PDSS2: variants seen among roughly 807,000 people sequenced by gnomAD.
PDSS2 encodes the protein all trans-polyprenyl-diphosphate synthase PDSS2.
In PDSS2, 31 loss-of-function variants were observed where a neutral mutation model predicts 44.5. The observed-to-expected ratio is 0.70, with a 90% confidence interval of 0.52 to 0.94. The LOEUF is 0.94. Among genes scored for constraint, PDSS2 ranks in the 40% least tolerant of loss-of-function variants. PDSS2 has a pLI of 0.00. For missense variants in PDSS2, 452 were observed against 482.2 expected, an observed-to-expected ratio of 0.94 and a Z score of 0.59; for synonymous variants, 157 against 180.3, an observed-to-expected ratio of 0.87 and a Z score of 1.03.
intron 3 of PDSS2, among the ~76,000 whole-genome samples, chr6:107,259,240 AATG>A (rs1409123703): frequency 6.6e-6 from 1 of 152,240 alleles, no homozygotes; most frequent in Non-Finnish European, 1.5e-5. Context: ...CAGTGATAAA[AATG>A]GGGAATTAAG....
In PDSS2 at chr6:107,234,893, AT is replaced by A. The variant is rs35770766; in HGVS notation, c.702+10654del. Among the ~76,000 whole-genome samples the A allele has an allele frequency of 2.6e-5, 4 of 152,290 alleles. No individual in the cohort carries two copies. In the East Asian group the frequency reaches 7.7e-4, roughly 29 times the overall value. ...TTTTATAAAAGTCATTATAACATAA[AT>A]TTTTAAAAGTCCTGAAAATCAGCAC... On this transcript the variant is annotated intron_variant, in intron 4 of 7. Transcript: ENST00000369037.
rs115078301 is a variant in PDSS2 at position 107,399,795 on chromosome 6, G to A, written c.296+59195C>T. Among the ~76,000 whole-genome samples the A allele has an allele frequency of 1.4e-3, 211 of 151,962 alleles. 3 individuals are homozygous for A. Among genetic ancestry groups the A allele is most frequent in the African/African-American group, 4.8e-3 (199 of 41,468 alleles). The stretch of plus-strand genomic sequence containing the variant: ...AATGATTCCCAAAGTTAGCTGCTCT[G>A]AAAATTTACTAACCTAGGAAATTTT... On this transcript the variant is annotated intron_variant, in intron 1 of 7. Transcript: ENST00000369037.
At chr6:107,158,351 A>AT (rs1233488236) in intron 7 of PDSS2, among the ~76,000 whole-genome samples, 2 of 151,622 alleles carry the variant, frequency 1.3e-5, no homozygotes, top group Admixed American at 6.6e-5. Context: ...CACCTGGCTA[A>AT]TTTTTTTATT....
intron 1 of PDSS2, among the ~76,000 whole-genome samples, chr6:107,447,307 G>C (rs1010177672): frequency 2.0e-5 from 3 of 152,130 alleles, no homozygotes; most frequent in African/African-American, 7.2e-5. Context: ...CTGCACTCCA[G>C]CCTGGGCGAC....
intron 1 of PDSS2, among the ~76,000 whole-genome samples, chr6:107,349,220 C>G (rs1379831907): frequency 6.6e-6 from 1 of 152,010 alleles, no homozygotes; most frequent in Non-Finnish European, 1.5e-5. Context: ...ATCACGAGGT[C>G]AGGAGATCGA....
At chr6:107,405,951 T>A (rs1422108748) in intron 1 of PDSS2, among the ~76,000 whole-genome samples, 1 of 151,978 alleles carries the variant, frequency 6.6e-6, no homozygotes, top group Non-Finnish European at 1.5e-5. Context: ...ATGGGTACAA[T>A]GTAAACTTTA....
intron 1 of PDSS2, among the ~76,000 whole-genome samples, chr6:107,340,971 C>T (rs1401303330): frequency 6.6e-6 from 1 of 152,088 alleles, no homozygotes; most frequent in Non-Finnish European, 1.5e-5. Context: ...CTTAATTCTG[C>T]AGGAAATCTG....
intron 4 of PDSS2, among the ~76,000 whole-genome samples, chr6:107,212,861 A>G (rs1773273160): frequency 6.6e-6 from 1 of 150,542 alleles, no homozygotes; most frequent in South Asian, 2.1e-4. Flanking sequence ...AAAAATAGCT[A>G]GGCAAGGGGG....
intron 1 of PDSS2, among the ~76,000 whole-genome samples, chr6:107,422,966 G>C (rs546512399): frequency 6.6e-6 from 1 of 151,886 alleles, no homozygotes; most frequent in South Asian, 2.1e-4. Context: ...TACTTCCATA[G>C]AAAAAATAAA....
At chr6:107,340,554 G>A (rs933695874) in intron 1 of PDSS2, among the ~76,000 whole-genome samples, 1 of 152,106 alleles carries the variant, frequency 6.6e-6, no homozygotes, top group African/African-American at 2.4e-5. Flanking sequence ...AAAGAAATAC[G>A]AGCTGTAAGA....
intron 1 of PDSS2, among the ~76,000 whole-genome samples, chr6:107,348,957 C>T (rs1205438493): frequency 1.3e-5 from 2 of 152,070 alleles, no homozygotes; most frequent in Non-Finnish European, 2.9e-5. Context: ...AGTGGTAGAG[C>T]CATGATTTTA....
chr6:107,246,476 T>C (rs1019223208), intron 3 of PDSS2, among the ~76,000 whole-genome samples: 1 of 152,214 alleles, frequency 6.6e-6, no homozygotes, highest in African/African-American at 2.4e-5. Context: ...ACTTCCTATG[T>C]TATGCAGTCC....
chr6:107,185,884 C>T (rs1772148326), intron 7 of PDSS2, among the ~76,000 whole-genome samples: 1 of 152,166 alleles, frequency 6.6e-6, no homozygotes. Context: ...GGCTGCAGGA[C>T]AGTCACTGGA....
At chr6:107,396,052 T>C (rs1779929966) in intron 1 of PDSS2, among the ~76,000 whole-genome samples, 1 of 152,184 alleles carries the variant, frequency 6.6e-6, no homozygotes, top group Non-Finnish European at 1.5e-5. Context: ...TCTGTGAGTG[T>C]TTTTCACTCT....
At chr6:107,442,564 T>C (rs1380199678) in intron 1 of PDSS2, among the ~76,000 whole-genome samples, 1 of 152,196 alleles carries the variant, frequency 6.6e-6, no homozygotes, top group African/African-American at 2.4e-5. Flanking sequence ...TACTTCCAAC[T>C]CTAGCCTTAG....
At chr6:107,219,374 G>A (rs963488795) in intron 4 of PDSS2, among the ~76,000 whole-genome samples, 5 of 152,082 alleles carry the variant, frequency 3.3e-5, no homozygotes, top group Middle Eastern at 3.4e-3. Flanking sequence ...TGCAACCTCC[G>A]CCTCCCAGGT....
intron 1 of PDSS2, among the ~76,000 whole-genome samples, chr6:107,422,379 C>T (rs755789010): frequency 6.6e-6 from 1 of 151,898 alleles, no homozygotes; most frequent in Non-Finnish European, 1.5e-5. Context: ...AACAGGCACT[C>T]CCATATACCA....
chr6:107,429,903 T>TAC lies in PDSS2; in HGVS notation c.296+29086_296+29087insGT, dbSNP rs1459795749. ...TAGTCTCAAAAAAAAAAAAAAAAAA[T>TAC]ATATATATATATATATATATATATA... On this transcript the variant is annotated intron_variant, in intron 1 of 7. Transcript: ENST00000369037. Among the ~76,000 whole-genome samples, 83 of 15,724 alleles carry TAC rather than the reference T, an allele frequency of 5.3e-3. 6 individuals carry two copies. Among genetic ancestry groups the TAC allele is most frequent in the African/African-American group, 0.016 (66 of 4,176 alleles). The allele number at this position is 15,724 out of a possible 152,430, so 10.3% of individuals were successfully genotyped here. A position where few individuals can be genotyped will look rare whatever the true frequency, so the allele number is the denominator to read the frequency against.
At chr6:107,282,746 G>C (rs1776007072) in intron 2 of PDSS2, among the ~76,000 whole-genome samples, 1 of 151,376 alleles carries the variant, frequency 6.6e-6, no homozygotes, top group Non-Finnish European at 1.5e-5. Flanking sequence ...GCAGGTGCCT[G>C]TAGTCCCAGC....
Sources: allele counts gnomAD v4.1 joint callset (sites outside exome capture counted in the v4.1 genomes callset), GRCh38; gene constraint gnomAD v4.1.1; transcripts MANE v1.5; gene names NCBI Gene and HGNC (gene_info 2026-07-23, HGNC 2026-07-21).